Variants in OTUD7A observed in about 807,000 individuals in gnomAD.
The protein encoded by OTUD7A is OTU domain-containing protein 7A.
In OTUD7A, 12 loss-of-function variants were observed where a neutral mutation model predicts 65.7. That is an observed-to-expected ratio of 0.18 (90% CI 0.12 to 0.30). The LOEUF (loss-of-function observed/expected upper bound fraction) is 0.30. Ranked by LOEUF, OTUD7A falls within the 10% of genes least tolerant of loss-of-function variation. The pLI is 1.00. For synonymous variants in OTUD7A, 641 were observed against 586.3 expected (o/e 1.09, Z -1.35); for missense variants, 1,148 against 1,304.8 (o/e 0.88, Z 1.85).
intron 9 of OTUD7A, 58 bp downstream of exon 9, chr15:31,503,633 A>G: frequency 1.2e-6 from 2 of 1,609,182 alleles, no homozygotes; most frequent in Non-Finnish European, 1.7e-6. Flanking sequence ...TCTGCTTTCT[A>G]GCTGGGATGC....
chr15:31,642,852 T>C, intron 3 of OTUD7A, among the ~76,000 whole-genome samples: 1 of 152,168 alleles, frequency 6.6e-6, no homozygotes, highest in South Asian at 2.1e-4. Context: ...ACTGACTTTC[T>C]CTACTATTTT....
intron 3 of OTUD7A, among the ~76,000 whole-genome samples, chr15:31,622,096 C>A (rs940296663): frequency 8.5e-5 from 13 of 152,208 alleles, no homozygotes; most frequent in African/African-American, 3.1e-4. Context: ...TTGGCCCCCA[C>A]TCTCTTCTGG....
At chr15:31,590,809 C>T (rs995180915) in intron 3 of OTUD7A, among the ~76,000 whole-genome samples, 35 of 152,174 alleles carry the variant, frequency 2.3e-4, no homozygotes, top group African/African-American at 8.4e-4. Context: ...CAGCCTATAG[C>T]TACAGAAAAG....
At chr15:31,669,696 T>C (rs1436626381) in intron 1 of OTUD7A, among the ~76,000 whole-genome samples, 5 of 152,160 alleles carry the variant, frequency 3.3e-5, no homozygotes, top group Admixed American at 2.6e-4. Context: ...TGTTACAAAG[T>C]TCAGCTGGAG....
At chr15:31,851,144 G>A (rs1023557627) in intron 1 of OTUD7A, among the ~76,000 whole-genome samples, 20 of 152,204 alleles carry the variant, frequency 1.3e-4, no homozygotes, top group Non-Finnish European at 2.2e-4. Flanking sequence ...GTGTAAATGA[G>A]TACTATAATC....
intron 3 of OTUD7A, among the ~76,000 whole-genome samples, chr15:31,606,131 G>A (rs35827794): frequency 0.031 from 4,739 of 152,268 alleles, 124 homozygotes; most frequent in African/African-American, 0.068. Flanking sequence ...CATCATAGTT[G>A]CTCTTTGCTT....
chr15:31,841,680 G>C (rs1374177752), intron 1 of OTUD7A, among the ~76,000 whole-genome samples: 1 of 152,156 alleles, frequency 6.6e-6, no homozygotes, highest in Non-Finnish European at 1.5e-5. Context: ...AGATTTCTAA[G>C]AGTAACTGCT....
intron 1 of OTUD7A, among the ~76,000 whole-genome samples, chr15:31,796,130 C>T (rs1354116236): frequency 1.8e-5 from 2 of 113,300 alleles, no homozygotes; most frequent in Non-Finnish European, 3.7e-5. Context: ...GAAGCAGAAC[C>T]AGTAAGGGGT....
At chr15:31,800,044 G>C (rs1229737919) in intron 1 of OTUD7A, among the ~76,000 whole-genome samples, 2 of 152,194 alleles carry the variant, frequency 1.3e-5, no homozygotes, top group Admixed American at 6.5e-5. Context: ...CGCAGAAAGT[G>C]AGAAGGCTGG....
chr15:31,787,087 G>C (rs1030353667), intron 1 of OTUD7A, among the ~76,000 whole-genome samples: 4 of 152,176 alleles, frequency 2.6e-5, no homozygotes, highest in Admixed American at 1.3e-4. Context: ...CCACAGACGA[G>C]GCTGTTTGAA....
chr15:31,489,760 C>T (rs1595553399), intron 10 of OTUD7A, among the ~76,000 whole-genome samples: 1 of 152,342 alleles, frequency 6.6e-6, no homozygotes, highest in East Asian at 1.9e-4. Flanking sequence ...GACGGCACCC[C>T]AGACAGTCAC....
At chr15:31,598,189 A>C (rs1889963931) in intron 3 of OTUD7A, among the ~76,000 whole-genome samples, 1 of 152,182 alleles carries the variant, frequency 6.6e-6, no homozygotes, top group East Asian at 1.9e-4. Context: ...ATTTCAGTTG[A>C]AAACTATATT....
chr15:31,658,022 G>A (rs937344163), intron 1 of OTUD7A, among the ~76,000 whole-genome samples: 1 of 152,172 alleles, frequency 6.6e-6, no homozygotes, highest in Non-Finnish European at 1.5e-5. Flanking sequence ...GACTGCCTTA[G>A]GAGGGGCAGT....
At chr15:31,549,683 G>A (rs949936570) in intron 5 of OTUD7A, among the ~76,000 whole-genome samples, 2 of 152,074 alleles carry the variant, frequency 1.3e-5, no homozygotes, top group East Asian at 1.9e-4. Flanking sequence ...AAGGGAATAC[G>A]GAAGAGGGAA....
chr15:31,636,447 G>A (rs935196155), intron 3 of OTUD7A, among the ~76,000 whole-genome samples: 3 of 152,158 alleles, frequency 2.0e-5, no homozygotes, highest in African/African-American at 4.8e-5. Flanking sequence ...CCACTGACCA[G>A]TGATTCTCCT....
intron 1 of OTUD7A, among the ~76,000 whole-genome samples, chr15:31,714,276 G>A (rs1361341786): frequency 1.3e-5 from 2 of 152,150 alleles, no homozygotes; most frequent in Non-Finnish European, 2.9e-5. Flanking sequence ...ACTCACACAC[G>A]GACAAATAGT....
chr15:31,753,689 A>ATATATATATATAT (rs1471206085), intron 1 of OTUD7A, among the ~76,000 whole-genome samples: 1 of 20,920 alleles, frequency 4.8e-5, no homozygotes, highest in East Asian at 7.5e-4. Context: ...CCTGTGAGAT[A>ATATATATATATAT]TATATATATA....
intron 1 of OTUD7A, among the ~76,000 whole-genome samples, chr15:31,741,797 A>C (rs1237548127): frequency 6.6e-6 from 1 of 150,908 alleles, no homozygotes; most frequent in Non-Finnish European, 1.5e-5. Context: ...AAATAAACAC[A>C]AAAAAAATTA....
chr15:31,755,899 A>C (rs1259011625), intron 1 of OTUD7A, among the ~76,000 whole-genome samples: 1 of 104 alleles, frequency 9.6e-3, no homozygotes, highest in Non-Finnish European at 0.018. Flanking sequence ...CAGCAAGGCA[A>C]ACAGGGGGTG....
Sources: allele counts gnomAD v4.1 joint callset (sites outside exome capture counted in the v4.1 genomes callset), GRCh38; gene constraint gnomAD v4.1.1; transcripts MANE v1.5; gene names NCBI Gene and HGNC (gene_info 2026-07-23, HGNC 2026-07-21).